Variants in SCUBE2 observed in about 807,000 individuals in gnomAD.
SCUBE2 encodes the protein signal peptide, CUB and EGF-like domain-containing protein 2.
SCUBE2 carries 114 observed loss-of-function variants against 125.9 expected under a neutral mutation model. The observed-to-expected ratio is 0.91, with a 90% CI of 0.78 to 1.06. SCUBE2 has a LOEUF of 1.06. Among genes scored for constraint, SCUBE2 ranks in the 50% least tolerant of loss-of-function variants. The pLI, the probability that SCUBE2 is intolerant of heterozygous loss-of-function variation, is 0.00. For synonymous variants in SCUBE2, 459 were observed against 492.9 expected, an observed-to-expected ratio of 0.93 and a Z score of 0.91; for missense variants, 1,255 against 1,301.8, an observed-to-expected ratio of 0.96 and a Z score of 0.55.
chr11:9,089,664 G>C, intron 2 of SCUBE2, 43 bp downstream of exon 2: 1 of 1,603,874 alleles, frequency 6.2e-7, no homozygotes, highest in Non-Finnish European at 8.5e-7. Context: ...AAGGAGGTAG[G>C]AGCTTCCCTA....
At chr11:9,058,595 C>CAAAAAAAAAAAAAAAAAAAAAAAA (rs61409328) in intron 9 of SCUBE2, among the ~76,000 whole-genome samples, 1 of 44,302 alleles carries the variant, frequency 2.3e-5, no homozygotes, top group African/African-American at 8.5e-5. Context: ...GACTCTGTCT[C>CAAAAAAAAAAAAAAAAAAAAAAAA]AAAAAAAAAA....
At chr11:9,081,302 A>C (rs1156485397) in intron 2 of SCUBE2, among the ~76,000 whole-genome samples, 1 of 152,144 alleles carries the variant, frequency 6.6e-6, no homozygotes, top group Non-Finnish European at 1.5e-5. Flanking sequence ...TTATCTTGTA[A>C]AACTGAAACT....
intron 7 of SCUBE2, among the ~76,000 whole-genome samples, chr11:9,064,259 G>A (rs977159989): frequency 6.6e-6 from 1 of 152,132 alleles, no homozygotes; most frequent in African/African-American, 2.4e-5. Flanking sequence ...TAGAGCCCAG[G>A]AGTTCGAGAC....
intron 2 of SCUBE2, among the ~76,000 whole-genome samples, chr11:9,082,468 C>T (rs1861717866): frequency 1.3e-5 from 2 of 152,118 alleles, no homozygotes; most frequent in African/African-American, 4.8e-5. Flanking sequence ...AATCCCACTC[C>T]TAGGTATATA....
In SCUBE2 at chr11:9,019,636, A is replaced by G. The variant is rs982868822; in HGVS notation, c.*1409T>C. ...AGAATCAATGTTATTAACAGGTTAA[A>G]AAAAGCAACACTGAGATGAAAAGCA... On this transcript the variant is annotated 3_prime_UTR_variant, in exon 23 of 23. Coordinates refer to ENST00000649792, the MANE Select transcript of SCUBE2 (RefSeq NM_001367977.2). 1.3e-5 allele frequency among the ~76,000 whole-genome samples: 2 copies of G among 152,184 alleles called. No individual in the cohort carries two copies. The highest frequency in any genetic ancestry group is 4.8e-5 in the African/African-American group (2 of 41,430).
intron 18 of SCUBE2, 70 bp downstream of exon 18, chr11:9,030,688 C>A (rs2135136858): frequency 4.6e-6 from 7 of 1,505,900 alleles, no homozygotes; most frequent in Admixed American, 3.6e-5. Context: ...TGACTGGAGC[C>A]TCACGAGACT....
intron 4 of SCUBE2, among the ~76,000 whole-genome samples, chr11:9,070,180 G>A (rs1306756851): frequency 6.6e-6 from 1 of 152,214 alleles, no homozygotes; most frequent in African/African-American, 2.4e-5. Context: ...GAGAGAGAAG[G>A]AGGGAGTGTG....
chr11:9,030,745 GC>G lies in SCUBE2; in HGVS notation c.2341+12del. ...ATCCAGTCCTAGAAAAAGGCAAGCT[GC>G]CAAGTACTCACCTCTGGTTTCACAG... On this transcript the variant is annotated intron_variant, in intron 18 of 22. Coordinates refer to ENST00000649792, the MANE Select transcript of SCUBE2 (RefSeq NM_001367977.2). The G allele has an allele frequency of 6.2e-7, 1 of 1,608,798 alleles. No individual in the cohort carries two copies. Among genetic ancestry groups the G allele is most frequent in the Non-Finnish European group, 8.5e-7 (1 of 1,177,190 alleles).
intron 4 of SCUBE2, among the ~76,000 whole-genome samples, chr11:9,073,521 A>G (rs191262721): frequency 7.9e-4 from 120 of 152,356 alleles, no homozygotes; most frequent in African/African-American, 2.8e-3. Context: ...GAAACCCTTG[A>G]AAAGTTACCA....
rs756184692 is a variant in SCUBE2 at position 9,021,922 on chromosome 11, C to T, written c.2888G>A (p.Arg963Gln). The T allele has an allele frequency of 5.0e-5, 80 of 1,613,796 alleles. No homozygotes were observed. The Admixed American group carries it at 1.2e-3, about 25-fold the overall frequency. ...DYQELIEDIV[R>Q]DGRLYASENH... ...CTCAGATGCATAGAGCCTGCCATCT[C>T]GAACTATGTCTTCAATGAGTTCCTG... Residue 963 changes from arginine to glutamine, a missense_variant, in exon 22 of 23, where the codon CGA (arginine) becomes CAA (glutamine). Physicochemically the swap from Arg to Gln is conservative, Grantham distance 43. Around this residue, in one of 3 missense-constraint regions of SCUBE2, gnomAD observed 515 missense variants for 515.7 expected, o/e 1.00. Coordinates refer to ENST00000649792, the MANE Select transcript of SCUBE2 (RefSeq NM_001367977.2).
chr11:9,025,607 A>C, intron 21 of SCUBE2, 95 bp downstream of exon 21: 1 of 1,459,096 alleles, frequency 6.9e-7, no homozygotes, highest in Non-Finnish European at 9.3e-7. Context: ...TGCCTTTCTG[A>C]GCATGTGTGC....
At position 9,065,842 on chromosome 11, in the gene SCUBE2, G is replaced by C. The variant is rs368008262; in HGVS notation, c.850+49C>G. 3.1e-4 allele frequency: 463 copies of C among 1,515,150 alleles called. 4 individuals are homozygous for C. The highest frequency in any genetic ancestry group is 3.8e-4 in the Non-Finnish European group (419 of 1,090,666). The allele number at this position is 1,515,150 out of a possible 1,614,324, so 93.9% of individuals were successfully genotyped here. ...CAGGTCTGATGCAATAAGTTGGGGA[G>C]GGAAAAGGACAATTGCAGTGGCCAA... On this transcript the variant is annotated intron_variant, in intron 7 of 22. Coordinates refer to ENST00000649792, the MANE Select transcript of SCUBE2 (RefSeq NM_001367977.2).
intron 2 of SCUBE2, among the ~76,000 whole-genome samples, chr11:9,089,240 G>A (rs1279052022): frequency 1.3e-5 from 2 of 152,202 alleles, no homozygotes; most frequent in Non-Finnish European, 1.5e-5. Context: ...ACGTCACAAT[G>A]CCAAACATTG....
At chr11:9,057,206 C>G (rs139721679) in intron 9 of SCUBE2, 235 of 152,338 alleles carry the variant, frequency 1.5e-3, no homozygotes, top group African/African-American at 5.3e-3. Context: ...AATGAGATCA[C>G]TTTTCTAATT....
intron 16 of SCUBE2, among the ~76,000 whole-genome samples, chr11:9,043,171 C>T (rs896207989): frequency 1.3e-5 from 2 of 152,182 alleles, no homozygotes; most frequent in Non-Finnish European, 2.9e-5. Context: ...CACTAAAATA[C>T]TTCCCAGTTT....
Position 9,091,251 on chromosome 11 carries a change from G to C in SCUBE2, c.133+145C>G. On this transcript the variant is annotated intron_variant, in intron 1 of 22. Coordinates refer to ENST00000649792, the MANE Select transcript of SCUBE2 (RefSeq NM_001367977.2). The surrounding 1 kb of genome is among the most constrained non-coding windows in gnomAD (Gnocchi z 8.5). ...CGCCTTGGCCCGGCCGGCGGGTGAG[G>C]TCCCGGGGGGAGCAGAGGCCCCCGC... 3.9e-6 allele frequency: 2 copies of C among 511,818 alleles called. No individual in the cohort carries two copies. The highest frequency in any genetic ancestry group is 5.8e-6 in the Non-Finnish European group (2 of 345,298). The allele number at this position is 511,818 out of a possible 1,614,324, so 31.7% of individuals were successfully genotyped here. A position where few individuals can be genotyped will look rare whatever the true frequency, so the allele number is the denominator to read the frequency against.
chr11:9,029,949 C>CA lies in SCUBE2; in HGVS notation c.2437dup (p.Cys813LeufsTer11). ...CGTAGTATTTCCTGGGCAAGAAACA[C>CA]AATTATTTTTTCCAAATTCAGGCTG... On this transcript the variant is annotated frameshift_variant, in exon 19 of 23. Transcript: ENST00000649792. LOFTEE classifies it high-confidence loss of function. The CA allele has an allele frequency of 6.2e-7, 1 of 1,614,188 alleles. No individual in the cohort carries two copies. The highest frequency in any genetic ancestry group is 8.5e-7 in the Non-Finnish European group (1 of 1,180,030).
At chr11:9,062,503 C>T (rs1590102967) in intron 7 of SCUBE2, among the ~76,000 whole-genome samples, 1 of 152,164 alleles carries the variant, frequency 6.6e-6, no homozygotes, top group Non-Finnish European at 1.5e-5. Flanking sequence ...TATGAAAAGT[C>T]GGTCAAGAAT....
intron 2 of SCUBE2, among the ~76,000 whole-genome samples, chr11:9,088,314 C>G (rs1228461009): frequency 2.0e-5 from 3 of 152,176 alleles, no homozygotes; most frequent in African/African-American, 7.2e-5. Context: ...ATGGTGAAAC[C>G]CCGTCTGTCC....
Sources: allele counts gnomAD v4.1 joint callset (sites outside exome capture counted in the v4.1 genomes callset), GRCh38; gene constraint gnomAD v4.1.1; regional missense constraint gnomAD v4.1.1; non-coding constraint Gnocchi (gnomAD v3.1); transcripts MANE v1.5; gene names NCBI Gene and HGNC (gene_info 2026-07-23, HGNC 2026-07-21).